The following GALNT7 variants were observed in gnomAD, a reference collection of about 807,000 sequenced individuals.
GALNT7 encodes polypeptide N-acetylgalactosaminyltransferase 7, also known as N-acetylgalactosaminyltransferase 7.
A neutral mutation model predicts 82.1 loss-of-function variants in GALNT7; 60 were observed. That is an observed-to-expected ratio of 0.73 (90% CI 0.59 to 0.91). GALNT7 has a LOEUF of 0.91. Among genes scored for constraint, GALNT7 ranks in the 40% least tolerant of loss-of-function variants. The probability of loss-of-function intolerance (pLI) is 0.00; values close to 1 mark genes in which losing one functional copy is unlikely to be tolerated. For synonymous variants in GALNT7, 243 were observed against 275.1 expected (o/e 0.88, Z 1.15); for missense variants, 660 against 804.2 (o/e 0.82, Z 2.17).
At position 173,227,400 on chromosome 4, in the gene GALNT7, T is replaced by G. The variant is rs566135229; in HGVS notation, c.127-20580T>G. 3.1e-3 allele frequency among the ~76,000 whole-genome samples: 469 copies of G among 152,254 alleles called. 1 individual carries two copies. The highest frequency in any genetic ancestry group is 0.011 in the African/African-American group (441 of 41,554). On this transcript the variant is annotated intron_variant, in intron 1 of 11. Coordinates refer to ENST00000265000, the MANE Select transcript of GALNT7 (RefSeq NM_017423.3). ...AGGCTGGAGTGCAGTGACTCGATCT[T>G]GGCTCACTGCAAGCTCCGCCTCCCA...
intron 2 of GALNT7, among the ~76,000 whole-genome samples, chr4:173,263,575 G>A (rs1376106788): frequency 6.6e-6 from 1 of 152,172 alleles, no homozygotes; most frequent in Non-Finnish European, 1.5e-5. Flanking sequence ...AAATCGGCCA[G>A]CTTTAATATT....
Position 173,302,839 on chromosome 4 carries a change from A to T in GALNT7, c.1266+675A>T, listed in dbSNP as rs183692482. On this transcript the variant is annotated intron_variant, in intron 7 of 11. Transcript: ENST00000265000. This position sits in a 1 kb window ranked among gnomAD's most constrained non-coding sequence, Gnocchi z 4.2. Reference sequence around the variant, plus strand: ...CCAGTTGTTGCTCTCAAGGAACTTGATAAGAAGATATTAGAATTATACTTA... The same window carrying T: ...CCAGTTGTTGCTCTCAAGGAACTTGTTAAGAAGATATTAGAATTATACTTA... 9.0e-4 allele frequency among the ~76,000 whole-genome samples: 137 copies of T among 152,382 alleles called. 2 individuals are homozygous for T. The highest frequency in any genetic ancestry group is 3.2e-3 in the African/African-American group (134 of 41,592).
At chr4:173,188,483 T>C (rs1732523656) in intron 1 of GALNT7, among the ~76,000 whole-genome samples, 1 of 152,244 alleles carries the variant, frequency 6.6e-6, no homozygotes, top group South Asian at 2.1e-4. Flanking sequence ...TTAAAAGCTT[T>C]GAAAAGTACT....
intron 2 of GALNT7, among the ~76,000 whole-genome samples, chr4:173,280,756 C>T (rs1457137564): frequency 1.3e-5 from 2 of 152,126 alleles, no homozygotes; most frequent in Non-Finnish European, 2.9e-5. Flanking sequence ...AATTCTACAC[C>T]AGTAAAGTGA....
intron 2 of GALNT7, among the ~76,000 whole-genome samples, chr4:173,256,144 T>C (rs556011876): frequency 6.6e-6 from 1 of 152,354 alleles, no homozygotes; most frequent in South Asian, 2.1e-4. Flanking sequence ...GAAGTGTTTT[T>C]ATTTAGTGAA....
chr4:173,198,118 G>GGT (rs1000791006), intron 1 of GALNT7, among the ~76,000 whole-genome samples: 4 of 151,816 alleles, frequency 2.6e-5, no homozygotes, highest in Admixed American at 1.3e-4. Context: ...GGAGTGCAGT[G>GGT]GTGTGATCTC....
chr4:173,272,448 G>T (rs1579977721), intron 2 of GALNT7, among the ~76,000 whole-genome samples: 1 of 152,170 alleles, frequency 6.6e-6, no homozygotes, highest in African/African-American at 2.4e-5. Flanking sequence ...TCTGGCATCT[G>T]CCTCTTTCAG....
chr4:173,231,986 G>A (rs1734044366), intron 1 of GALNT7, among the ~76,000 whole-genome samples: 1 of 152,118 alleles, frequency 6.6e-6, no homozygotes, highest in South Asian at 2.1e-4. Flanking sequence ...ATTCATAAGA[G>A]GAAAAATATC....
intron 1 of GALNT7, among the ~76,000 whole-genome samples, chr4:173,245,629 G>A (rs1734598548): frequency 6.6e-6 from 1 of 152,042 alleles, no homozygotes; most frequent in Non-Finnish European, 1.5e-5. Context: ...TCAACAACTG[G>A]GAACCAGTTT....
chr4:173,190,906 T>G (rs77329859), intron 1 of GALNT7, among the ~76,000 whole-genome samples: 2,117 of 152,234 alleles, frequency 0.014, 42 homozygotes, highest in East Asian at 0.062. Context: ...TGGCAAAGAT[T>G]TGTTACCAAA....
Position 173,229,435 on chromosome 4 carries a change from A to G in GALNT7, c.127-18545A>G, listed in dbSNP as rs1270257673. ...AGCATTTAAATAGTCTACAAAGATA[A>G]CTATCAATTTATTTAGCTAGAAGTT... On this transcript the variant is annotated intron_variant, in intron 1 of 11. Coordinates refer to ENST00000265000, the MANE Select transcript of GALNT7 (RefSeq NM_017423.3). 2.0e-5 allele frequency among the ~76,000 whole-genome samples: 3 copies of G among 152,322 alleles called. No homozygotes were observed. The East Asian group carries it at 5.8e-4, about 29-fold the overall frequency.
intron 8 of GALNT7, among the ~76,000 whole-genome samples, chr4:173,311,698 A>G (rs1264917191): frequency 6.6e-6 from 1 of 152,220 alleles, no homozygotes; most frequent in African/African-American, 2.4e-5. Context: ...CCCATGAACC[A>G]GTCACCATCC....
rs1341499004 is a variant in GALNT7 at position 173,298,715 on chromosome 4, G to C, written c.1148+418G>C. 2.0e-5 allele frequency among the ~76,000 whole-genome samples: 3 copies of C among 152,286 alleles called. No homozygotes were observed. In the East Asian group the frequency reaches 5.8e-4, roughly 29 times the overall value. On this transcript the variant is annotated intron_variant, in intron 6 of 11. Transcript: ENST00000265000. ...ACTTTTATTTCCACGTTCATGCCGT[G>C]GGTATAATGTTAACAATGAAGGGCA...
chr4:173,177,276 T>A (rs1327866762), intron 1 of GALNT7, among the ~76,000 whole-genome samples: 1 of 152,182 alleles, frequency 6.6e-6, no homozygotes, highest in African/African-American at 2.4e-5. Context: ...AGTGCCAGTC[T>A]AGAGGTTATA....
chr4:173,230,553 A>C (rs1733996403), intron 1 of GALNT7, among the ~76,000 whole-genome samples: 1 of 152,186 alleles, frequency 6.6e-6, no homozygotes, highest in Non-Finnish European at 1.5e-5. Context: ...ATATGAGTAT[A>C]ATCTGTTTAC....
chr4:173,200,185 A>C (rs767410436), intron 1 of GALNT7, among the ~76,000 whole-genome samples: 2 of 152,204 alleles, frequency 1.3e-5, no homozygotes, highest in Non-Finnish European at 2.9e-5. Context: ...CTGTAACAGC[A>C]CTTCGGAATT....
At chr4:173,285,370 G>A (rs1043055579) in intron 2 of GALNT7, among the ~76,000 whole-genome samples, 1 of 152,204 alleles carries the variant, frequency 6.6e-6, no homozygotes, top group African/African-American at 2.4e-5. Flanking sequence ...GTAGTTAGGA[G>A]CATGGTCACT....
At chr4:173,209,406 AC>A (rs1195544911) in intron 1 of GALNT7, among the ~76,000 whole-genome samples, 1 of 152,104 alleles carries the variant, frequency 6.6e-6, no homozygotes, top group Non-Finnish European at 1.5e-5. Flanking sequence ...TCCCTGTTCC[AC>A]CCAGGTTTTG....
chr4:173,307,734 G>A (rs957339369), intron 8 of GALNT7, among the ~76,000 whole-genome samples: 7 of 152,220 alleles, frequency 4.6e-5, no homozygotes, highest in African/African-American at 1.2e-4. Context: ...TGGTTCTAGT[G>A]TCGGGGCAGG....
Sources: gnomAD v4.1 joint callset for allele counts (sites outside exome capture counted in the v4.1 genomes callset) on GRCh38, gnomAD v4.1.1 for gene constraint, Gnocchi (gnomAD v3.1) non-coding constraint, MANE v1.5 for transcripts, NCBI Gene and HGNC (gene_info 2026-07-23, HGNC 2026-07-21) for gene names.